The following PLCG2 variants were observed in gnomAD, a reference collection of about 807,000 sequenced individuals.
PLCG2 encodes the protein phospholipase C gamma 2, also known as 1-phosphatidylinositol 4,5-bisphosphate phosphodiesterase gamma-2.
Under a neutral mutation model 175.6 loss-of-function variants are expected in PLCG2, and 69 were observed. That is an observed-to-expected ratio of 0.39 (90% CI 0.32 to 0.48). PLCG2 has a LOEUF of 0.48. Among genes scored for constraint, PLCG2 ranks in the 20% least tolerant of loss-of-function variants. The probability of loss-of-function intolerance (pLI) is 0.91; values close to 1 mark genes in which losing one functional copy is unlikely to be tolerated. For missense variants in PLCG2, 1,798 were observed against 1,650.9 expected, an observed-to-expected ratio of 1.09 and a Z score of -1.54; for synonymous variants, 827 against 624.0, an observed-to-expected ratio of 1.33 and a Z score of -4.85.
intron 9 of PLCG2, among the ~76,000 whole-genome samples, chr16:81,884,116 C>T (rs1166127436): frequency 6.6e-6 from 1 of 152,130 alleles, no homozygotes; most frequent in East Asian, 1.9e-4. Flanking sequence ...TTTGGGAGGC[C>T]GAGGCGGGCG....
intron 12 of PLCG2, among the ~76,000 whole-genome samples, chr16:81,894,398 T>G (rs922498811): frequency 1.3e-5 from 2 of 152,124 alleles, no homozygotes; most frequent in Non-Finnish European, 2.9e-5. Flanking sequence ...CACTGCACTC[T>G]AGCCTGGGCA....
rs142797744 is a variant in PLCG2 at position 81,935,954 on chromosome 16, G to C, written c.2843-215G>C. On this transcript the variant is annotated intron_variant, in intron 26 of 32. Transcript: ENST00000564138. ...CAGTAATTCTAGCCTAAAAGGTGGTGGGAAAACTAGGCCCCTTTTTAATAC... is the reference window on the plus strand; with the variant it reads ...CAGTAATTCTAGCCTAAAAGGTGGTCGGAAAACTAGGCCCCTTTTTAATAC... The C allele has an allele frequency of 5.1e-6, 5 of 984,908 alleles. No homozygotes were observed. In the Middle Eastern group the frequency reaches 2.1e-3, roughly 412 times the overall value. The allele number at this position is 984,908 out of a possible 1,614,324, so 61.0% of individuals were successfully genotyped here.
At chr16:81,760,598 A>G (rs897641162) in intron 2 of PLCG2, among the ~76,000 whole-genome samples, 3 of 152,014 alleles carry the variant, frequency 2.0e-5, no homozygotes, top group Non-Finnish European at 4.4e-5. Context: ...CCCAAAAAGA[A>G]TGGCAGAGCC....
At chr16:81,873,417 T>C (rs916209730) in intron 7 of PLCG2, among the ~76,000 whole-genome samples, 2 of 152,214 alleles carry the variant, frequency 1.3e-5, no homozygotes, top group South Asian at 2.1e-4. Context: ...ACGTGTGTCA[T>C]TGAACATAGA....
chr16:81,838,725 TG>T (rs1398901456), intron 2 of PLCG2, among the ~76,000 whole-genome samples: 4 of 151,496 alleles, frequency 2.6e-5, no homozygotes, highest in Non-Finnish European at 4.4e-5. Flanking sequence ...GGTATGCCTA[TG>T]TAACAAACCT....
intron 21 of PLCG2, chr16:81,921,553 A>C: frequency 2.3e-6 from 1 of 434,744 alleles, no homozygotes; most frequent in Admixed American, 3.4e-5. Flanking sequence ...AAGTCTTTCA[A>C]ATGTTTTTGG....
rs187210281 is a variant in PLCG2, at chr16:81,780,018, A to G, written c.-48+594A>G. 2.3e-3 allele frequency among the ~76,000 whole-genome samples: 353 copies of G among 152,206 alleles called. 7 individuals are homozygous for G. The highest frequency in any genetic ancestry group is 0.02 in the Admixed American group (312 of 15,284). ...TGTGTTTTGGAATCCCAAAGAGGGC[A>G]TTACCCGCACAGCGCAAGAGTTCAG... On this transcript the variant is annotated intron_variant, in intron 1 of 32. Transcript: ENST00000564138.
At chr16:81,952,469 G>A (rs1171832323) in intron 31 of PLCG2, among the ~76,000 whole-genome samples, 1 of 151,898 alleles carries the variant, frequency 6.6e-6, no homozygotes, top group Non-Finnish European at 1.5e-5. Context: ...TCCAGACATG[G>A]GATAAATAAA....
chr16:81,788,429 C>T (rs36082804), intron 2 of PLCG2, among the ~76,000 whole-genome samples: 18,670 of 152,102 alleles, frequency 0.12, 1,448 homozygotes, highest in East Asian at 0.35. Flanking sequence ...TACAGGCGCC[C>T]GCCACCACGC....
intron 2 of PLCG2, among the ~76,000 whole-genome samples, chr16:81,791,664 A>G (rs900597650): frequency 3.9e-5 from 6 of 152,152 alleles, no homozygotes; most frequent in Non-Finnish European, 8.8e-5. Context: ...TCCTGGGTTC[A>G]AGCTATTCTC....
intron 25 of PLCG2, among the ~76,000 whole-genome samples, 192 bp from the exon 26 acceptor site, chr16:81,934,237 G>A (rs1420293704): frequency 6.6e-6 from 1 of 152,154 alleles, no homozygotes; most frequent in African/African-American, 2.4e-5. Flanking sequence ...AAACAGCTTT[G>A]TCGAGAATTT....
intron 2 of PLCG2, among the ~76,000 whole-genome samples, chr16:81,794,155 G>A (rs1911361799): frequency 6.6e-6 from 1 of 152,146 alleles, no homozygotes. Context: ...TTTGTGGGGA[G>A]ATGCTAGGAA....
intron 1 of PLCG2, among the ~76,000 whole-genome samples, chr16:81,785,187 C>T (rs1910913893): frequency 6.6e-6 from 1 of 152,156 alleles, no homozygotes; most frequent in African/African-American, 2.4e-5. Context: ...CCAAGCACCT[C>T]TCTGACACTG....
chr16:81,932,961 G>A (rs1910565589), intron 25 of PLCG2, among the ~76,000 whole-genome samples: 1 of 152,224 alleles, frequency 6.6e-6, no homozygotes, highest in African/African-American at 2.4e-5. Context: ...ACAGGGAGGT[G>A]CCACGACCCT....
chr16:81,847,364 T>C (rs922617079), intron 2 of PLCG2, among the ~76,000 whole-genome samples: 9 of 152,202 alleles, frequency 5.9e-5, no homozygotes, highest in African/African-American at 1.9e-4. Flanking sequence ...TACAAAGGCA[T>C]GATTGATTAA....
chr16:81,890,905 G>C (rs1427453449), intron 10 of PLCG2, among the ~76,000 whole-genome samples: 1 of 152,222 alleles, frequency 6.6e-6, no homozygotes, highest in Non-Finnish European at 1.5e-5. Flanking sequence ...GCTCACGCCT[G>C]TAATCCCAGC....
chr16:81,850,024 G>C (rs570037264), intron 2 of PLCG2, among the ~76,000 whole-genome samples: 5 of 152,326 alleles, frequency 3.3e-5, no homozygotes, highest in African/African-American at 1.2e-4. Flanking sequence ...GAATTCCAGT[G>C]CCTAGTGTCT....
chr16:81,875,211 G>A (rs8058331), intron 7 of PLCG2, among the ~76,000 whole-genome samples: 73,049 of 151,710 alleles, frequency 0.48, 18,217 homozygotes, highest in Non-Finnish European at 0.54. Context: ...TGATCCTCCC[G>A]CCTTGGCCTC....
Position 81,961,458 on chromosome 16 carries a change from G to C in PLCG2, c.*3460G>C. On this transcript the variant is annotated 3_prime_UTR_variant, in exon 33 of 33. Coordinates refer to ENST00000564138, the MANE Select transcript of PLCG2 (RefSeq NM_002661.5). ...TTTATTGATTCAGCTCAATCCAGAG[G>C]AAAATTTTAAAGGCTTACAGCCTTA... 1 of 225,386 alleles carries C rather than the reference G, an allele frequency of 4.4e-6. No individual in the cohort carries two copies. The highest frequency in any genetic ancestry group is 8.8e-6 in the Non-Finnish European group (1 of 113,306). 14.0% of individuals were successfully genotyped at this position (225,386 alleles called of 1,614,324 possible).
Sources: gnomAD v4.1 joint callset for allele counts (sites outside exome capture counted in the v4.1 genomes callset) on GRCh38, gnomAD v4.1.1 for gene constraint, MANE v1.5 for transcripts, NCBI Gene and HGNC (gene_info 2026-07-23, HGNC 2026-07-21) for gene names.